The following TXNRD2 variants were observed in gnomAD, a reference collection of about 807,000 sequenced individuals.
TXNRD2 encodes the protein thioredoxin reductase 2, mitochondrial.
Under a neutral mutation model 70.8 loss-of-function variants are expected in TXNRD2, and 67 were observed. The observed-to-expected ratio is 0.95, with a 90% confidence interval of 0.78 to 1.16. The LOEUF is 1.16. Ranked by LOEUF, TXNRD2 falls within the 50% of genes most tolerant of loss-of-function variation. The pLI, the probability that TXNRD2 is intolerant of heterozygous loss-of-function variation, is 0.00. For synonymous variants in TXNRD2, 301 were observed against 295.8 expected (o/e 1.02, Z -0.18); for missense variants, 644 against 719.9 (o/e 0.89, Z 1.21).
rs200410467 is a variant in TXNRD2, at chr22:19,931,124, C to T, written c.104-26G>A. ...CTGAGAGAAGGGATGAGAGGTGGGA[C>T]GGACTGTCTGTCTGGTTAAACGTGG... is the stretch of plus-strand genomic sequence containing the variant. On this transcript the variant is annotated intron_variant, in intron 1 of 17. Transcript: ENST00000400521. 65 of 1,609,018 alleles carry T rather than the reference C, an allele frequency of 4.0e-5. No homozygotes were observed. The African/African-American group carries it at 6.3e-4, about 16-fold the overall frequency.
At chr22:19,895,386 T>C in intron 11 of TXNRD2, 21 bp downstream of exon 11, 1 of 1,613,674 alleles carries the variant, frequency 6.2e-7, no homozygotes, top group Non-Finnish European at 8.5e-7. Flanking sequence ...AGACAGAGCG[T>C]GTGGCTCGAC....
rs368949187 is a variant in TXNRD2, at chr22:19,929,252, G to A, written c.172+1778C>T. Among the ~76,000 whole-genome samples the A allele has an allele frequency of 1.3e-4, 19 of 150,368 alleles. No individual in the cohort carries two copies. In the East Asian group the frequency reaches 3.1e-3, roughly 25 times the overall value. ...TGAGACAGGAGAATGGCGTGAACCC[G>A]GGAGGCAGAGGTTGCAGTGAGCTGA... On this transcript the variant is annotated intron_variant, in intron 2 of 17. Transcript: ENST00000400521.
chr22:19,881,867 C>T (rs890445359), intron 12 of TXNRD2, among the ~76,000 whole-genome samples: 14 of 152,250 alleles, frequency 9.2e-5, no homozygotes, highest in African/African-American at 3.4e-4. Flanking sequence ...GGCTGAGGCA[C>T]ATGGAGCCAC....
At chr22:19,937,983 A>G (rs1161945600) in intron 1 of TXNRD2, 1 of 152,316 alleles carries the variant, frequency 6.6e-6, no homozygotes, top group African/African-American at 2.4e-5. Context: ...ATTTACCTAC[A>G]GCCAATCCAG....
In TXNRD2 at chr22:19,883,531, C is replaced by T; in HGVS notation, c.950-70G>A. On this transcript the variant is annotated intron_variant, in intron 11 of 17. Transcript: ENST00000400521. ...TTGACCTAGAGCGGTTGTGTTTAAA[C>T]TGTTTCTCAGAATGTCCACTTAGAG... 4 of 1,607,396 alleles carry T rather than the reference C, an allele frequency of 2.5e-6. 1 individual carries two copies. The South Asian group carries it at 4.4e-5, about 18-fold the overall frequency.
chr22:19,904,906 C>T (rs1378275902), intron 8 of TXNRD2, among the ~76,000 whole-genome samples: 1 of 152,242 alleles, frequency 6.6e-6, no homozygotes, highest in East Asian at 1.9e-4. Flanking sequence ...ATATTAATTT[C>T]AGCTCCATTT....
intron 12 of TXNRD2, chr22:19,881,216 C>T (rs905690427): frequency 3.7e-5 from 15 of 402,054 alleles, no homozygotes; most frequent in African/African-American, 2.7e-4. Flanking sequence ...GAGATCCCTC[C>T]GTCCCAGGGT....
At chr22:19,911,854 C>A (rs1940427325) in intron 7 of TXNRD2, among the ~76,000 whole-genome samples, 1 of 152,184 alleles carries the variant, frequency 6.6e-6, no homozygotes, top group Non-Finnish European at 1.5e-5. Flanking sequence ...CCCCAGGGAG[C>A]AACACCTGGG....
At chr22:19,878,513 C>T in intron 14 of TXNRD2, 76 bp from the exon 15 acceptor site, 1 of 1,339,736 alleles carries the variant, frequency 7.5e-7, no homozygotes. Flanking sequence ...CCACAGGCTG[C>T]ATGGGCAAGG....
Position 19,919,547 on chromosome 22 carries a change from G to T in TXNRD2, c.225C>A (p.Pro75=). The change falls in exon 3 of 18, where the codon CCC becomes CCA. Residue 75 remains proline (P), a synonymous_variant. Coordinates refer to ENST00000400521, the MANE Select transcript of TXNRD2 (RefSeq NM_006440.5). ...VAVVDYVEPS[P]QGTRWGLGGT... is the part of the protein sequence containing the mutation. ...CTCCCATAGGGTGCTGCCTACCTTG[G>T]GGAGAAGGTTCCACGTAGTCCACCA... 6.4e-7 allele frequency: 1 copy of T among 1,560,530 alleles called. No individual in the cohort carries two copies. The highest frequency in any genetic ancestry group is 8.7e-7 in the Non-Finnish European group (1 of 1,152,896).
At chr22:19,900,396 G>A (rs1939719266) in intron 8 of TXNRD2, among the ~76,000 whole-genome samples, 1 of 152,190 alleles carries the variant, frequency 6.6e-6, no homozygotes, top group Non-Finnish European at 1.5e-5. Context: ...TTCCAAAATG[G>A]CGAAACCAAA....
intron 10 of TXNRD2, 83 bp from the exon 11 acceptor site, chr22:19,895,664 CAATG>C: frequency 6.6e-7 from 1 of 1,516,330 alleles, no homozygotes; most frequent in Non-Finnish European, 9.0e-7. Flanking sequence ...TCGAAGGCCT[CAATG>C]AAGGGCGGAG....
Position 19,920,984 on chromosome 22 carries a change from A to G in TXNRD2, c.173-1385T>C, listed in dbSNP as rs138163824. Among the ~76,000 whole-genome samples the G allele has an allele frequency of 8.8e-3, 1,324 of 150,020 alleles. 22 individuals carry two copies. Among genetic ancestry groups the G allele is most frequent in the African/African-American group, 0.031 (1,249 of 39,680 alleles). ...TAGTTGGGCGTGGTGGCAGGTGCCTATAGTCCCAGTTACTCGGGAGGCTGA... is the reference window on the plus strand; with the variant it reads ...TAGTTGGGCGTGGTGGCAGGTGCCTGTAGTCCCAGTTACTCGGGAGGCTGA... On this transcript the variant is annotated intron_variant, in intron 2 of 17. Coordinates refer to ENST00000400521, the MANE Select transcript of TXNRD2 (RefSeq NM_006440.5).
intron 8 of TXNRD2, among the ~76,000 whole-genome samples, chr22:19,909,112 A>C (rs1279767690): frequency 6.6e-6 from 1 of 151,578 alleles, no homozygotes; most frequent in Non-Finnish European, 1.5e-5. Context: ...GGGCTGAGAC[A>C]GGAGAATCGC....
intron 8 of TXNRD2, among the ~76,000 whole-genome samples, chr22:19,908,023 C>T (rs1171109970): frequency 2.0e-5 from 2 of 98,576 alleles, no homozygotes; most frequent in Admixed American, 1.2e-4. Context: ...GAGCAGTGAC[C>T]GTTCTCAGGA....
chr22:19,925,022 C>G (rs377444062), intron 2 of TXNRD2, among the ~76,000 whole-genome samples: 10 of 150,994 alleles, frequency 6.6e-5, no homozygotes, highest in African/African-American at 2.2e-4. Flanking sequence ...TGGTGGCTCA[C>G]GCCTGTAATC....
chr22:19,911,440 C>T lies in TXNRD2; in HGVS notation c.599G>A (p.Gly200Asp), dbSNP rs112854076. The T allele has an allele frequency of 1.5e-5, 25 of 1,613,696 alleles. No homozygotes were observed. The highest frequency in any genetic ancestry group is 1.7e-4 in the Middle Eastern group (1 of 5,976). Reference protein sequence around the residue: ...GRPRYPTHIEGALEYGITSDD... With the variant: ...GRPRYPTHIEDALEYGITSDD... ...ACTTGTGATTCCATATTCCAAGGCA[C>T]CTTCGATCTGTCAAGACAGAAATGA... The change falls in exon 8 of 18, where the codon GGT becomes GAT. Residue 200 changes from glycine (G) to aspartate (D), a missense_variant. Around this residue, in one of 3 missense-constraint regions of TXNRD2, gnomAD observed 566 missense variants for 645.0 expected, o/e 0.88. Coordinates refer to ENST00000400521, the MANE Select transcript of TXNRD2 (RefSeq NM_006440.5).
At position 19,883,312 on chromosome 22, in the gene TXNRD2, A is replaced by C; in HGVS notation, c.1086+13T>G. On this transcript the variant is annotated intron_variant, in intron 12 of 17. Coordinates refer to ENST00000400521, the MANE Select transcript of TXNRD2 (RefSeq NM_006440.5). ...CAGGGGCAGGGGCCCTGGTCCCGGGACGCATGCCGTACCTCCACCACGTCA... is the reference window on the plus strand; with the variant it reads ...CAGGGGCAGGGGCCCTGGTCCCGGGCCGCATGCCGTACCTCCACCACGTCA... 1 of 1,612,018 alleles carries C rather than the reference A, an allele frequency of 6.2e-7. No homozygotes were observed. The highest frequency in any genetic ancestry group is 1.1e-5 in the South Asian group (1 of 91,050).
At chr22:19,939,488 G>A (rs1203489566) in intron 1 of TXNRD2, among the ~76,000 whole-genome samples, 2 of 152,064 alleles carry the variant, frequency 1.3e-5, no homozygotes. Flanking sequence ...TGATTTACCT[G>A]CTACACAAAA....
Sources: gnomAD v4.1 joint callset for allele counts (sites outside exome capture counted in the v4.1 genomes callset) on GRCh38, gnomAD v4.1.1 for gene constraint, gnomAD v4.1.1 regional missense constraint, MANE v1.5 for transcripts, NCBI Gene and HGNC (gene_info 2026-07-23, HGNC 2026-07-21) for gene names.